The following THSD4 variants were observed in gnomAD, a reference collection of about 807,000 sequenced individuals.
THSD4 encodes thrombospondin type 1 domain containing 4.
Under a neutral mutation model 119.0 loss-of-function variants are expected in THSD4, and 69 were observed. The ratio of observed to expected loss-of-function variants is 0.58; its 90% CI spans 0.48 to 0.71. THSD4 has a LOEUF of 0.71. Ranked by LOEUF, THSD4 falls within the 30% of genes least tolerant of loss-of-function variation. THSD4 has a pLI of 0.00. For missense variants in THSD4, 1,393 were observed against 1,391.1 expected, an observed-to-expected ratio of 1.00 and a Z score of -0.02; for synonymous variants, 524 against 540.4, an observed-to-expected ratio of 0.97 and a Z score of 0.42.
At chr15:71,651,073 G>A (rs2051077488) in intron 7 of THSD4, among the ~76,000 whole-genome samples, 1 of 152,182 alleles carries the variant, frequency 6.6e-6, no homozygotes, top group Non-Finnish European at 1.5e-5. Flanking sequence ...CAAGATCTAT[G>A]CTCAGACCCT....
At chr15:71,371,051 T>C (rs2140435460) in intron 6 of THSD4, among the ~76,000 whole-genome samples, 1 of 152,304 alleles carries the variant, frequency 6.6e-6, no homozygotes, top group East Asian at 1.9e-4. Flanking sequence ...CTTTGTCTCT[T>C]TTGATCTTTG....
chr15:71,528,727 G>A (rs2048565013), intron 7 of THSD4, among the ~76,000 whole-genome samples: 1 of 152,184 alleles, frequency 6.6e-6, no homozygotes, highest in African/African-American at 2.4e-5. Context: ...TAGAGATGAT[G>A]AGACATGCTT....
chr15:71,633,269 C>CTTTTTTTTTTTTTTTTTTTTTTTTT (rs67682951), intron 7 of THSD4, among the ~76,000 whole-genome samples: 13 of 63,160 alleles, frequency 2.1e-4, no homozygotes, highest in Non-Finnish European at 3.5e-4. Context: ...TTCTTTCTTT[C>CTTTTTTTTTTTTTTTTTTTTTTTTT]TTTTTTTTTT....
intron 4 of THSD4, among the ~76,000 whole-genome samples, chr15:71,230,281 T>C (rs971327050): frequency 6.6e-6 from 1 of 152,210 alleles, no homozygotes. Context: ...ACAACAGGCA[T>C]GACTCCTAAG....
intron 7 of THSD4, among the ~76,000 whole-genome samples, chr15:71,484,054 C>G (rs2047776722): frequency 6.6e-6 from 1 of 152,142 alleles, no homozygotes; most frequent in African/African-American, 2.4e-5. Context: ...TCAAATATAT[C>G]TCAGAATGGT....
chr15:71,151,165 A>T (rs1356842297), intron 2 of THSD4, among the ~76,000 whole-genome samples: 2 of 152,232 alleles, frequency 1.3e-5, no homozygotes, highest in African/African-American at 4.8e-5. Context: ...GGGAACGAGT[A>T]GAATTGACCA....
intron 7 of THSD4, among the ~76,000 whole-genome samples, chr15:71,599,702 G>A (rs894922874): frequency 1.3e-5 from 2 of 152,210 alleles, no homozygotes; most frequent in African/African-American, 4.8e-5. Context: ...TATAAATTAA[G>A]AGCTGTTCCC....
chr15:71,111,571 CTTA>C (rs1422612208), upstream of THSD4: 7 of 645,464 alleles, frequency 1.1e-5, no homozygotes, highest in Non-Finnish European at 1.6e-5. Context: ...CCCTTATTTT[CTTA>C]TTATTTGCTG....
intron 6 of THSD4, among the ~76,000 whole-genome samples, chr15:71,286,182 T>G (rs1335748659): frequency 6.6e-6 from 1 of 152,190 alleles, no homozygotes; most frequent in Admixed American, 6.5e-5. Flanking sequence ...CAGAGATACA[T>G]GTGCAGGATG....
intron 7 of THSD4, among the ~76,000 whole-genome samples, chr15:71,481,364 T>C (rs558212536): frequency 5.9e-5 from 9 of 152,362 alleles, no homozygotes; most frequent in African/African-American, 1.4e-4. Flanking sequence ...TATTTATGTA[T>C]ATAAAACTTT....
chr15:71,384,123 T>C (rs970542725), intron 6 of THSD4, among the ~76,000 whole-genome samples: 2 of 152,226 alleles, frequency 1.3e-5, no homozygotes, highest in Non-Finnish European at 2.9e-5. Context: ...CTCACGCCTG[T>C]AATCCCAGCA....
intron 3 of THSD4, chr15:71,165,412 C>A: frequency 1.3e-6 from 2 of 1,489,998 alleles, no homozygotes; most frequent in South Asian, 2.3e-5. Flanking sequence ...ATCTCCTTTG[C>A]CCATGTTTAG....
At chr15:71,579,925 A>G (rs1338118962) in intron 7 of THSD4, among the ~76,000 whole-genome samples, 4 of 151,922 alleles carry the variant, frequency 2.6e-5, no homozygotes, top group African/African-American at 9.7e-5. Context: ...GAGGAGGGTG[A>G]TGCTCAGCAT....
At chr15:71,317,996 G>T (rs549926237) in intron 6 of THSD4, among the ~76,000 whole-genome samples, 1 of 152,214 alleles carries the variant, frequency 6.6e-6, no homozygotes, top group Admixed American at 6.5e-5. Context: ...GTGAGGAGGT[G>T]GTGGAGCTTA....
At chr15:71,254,639 A>C (rs1209734940) in intron 5 of THSD4, among the ~76,000 whole-genome samples, 1 of 152,224 alleles carries the variant, frequency 6.6e-6, no homozygotes, top group Non-Finnish European at 1.5e-5. Flanking sequence ...GGCCTCTCCA[A>C]GTCACCCAGC....
At chr15:71,633,269 C>CTTTTTTTTTTTTTTT (rs67682951) in intron 7 of THSD4, among the ~76,000 whole-genome samples, 8 of 63,164 alleles carry the variant, frequency 1.3e-4, no homozygotes, top group Non-Finnish European at 1.5e-4. Flanking sequence ...TTCTTTCTTT[C>CTTTTTTTTTTTTTTT]TTTTTTTTTT....
chr15:71,125,128 G>A (rs1243790801), intron 1 of THSD4, among the ~76,000 whole-genome samples: 3 of 151,668 alleles, frequency 2.0e-5, no homozygotes, highest in Non-Finnish European at 4.4e-5. Flanking sequence ...GAAGGAGAAA[G>A]GAAGGCAAGG....
chr15:71,120,982 AG>A (rs2040404217), intron 1 of THSD4, among the ~76,000 whole-genome samples: 1 of 152,218 alleles, frequency 6.6e-6, no homozygotes, highest in Non-Finnish European at 1.5e-5. Context: ...AGAGAGAAGA[AG>A]ATTAATTTCC....
chr15:71,715,789 T>G (rs1021099431), intron 8 of THSD4, among the ~76,000 whole-genome samples: 3 of 149,266 alleles, frequency 2.0e-5, no homozygotes, highest in Non-Finnish European at 3.0e-5. Flanking sequence ...TTTTTTTTTT[T>G]CCTCTATTTA....
Sources: allele counts gnomAD v4.1 joint callset (sites outside exome capture counted in the v4.1 genomes callset), GRCh38; gene constraint gnomAD v4.1.1; transcripts MANE v1.5; gene names NCBI Gene and HGNC (gene_info 2026-07-23, HGNC 2026-07-21).